The following MIGA1 variants were observed in gnomAD, a reference collection of about 807,000 sequenced individuals.
The protein encoded by MIGA1 is family with sequence similarity 73, member A.
Under a neutral mutation model 82.0 loss-of-function variants are expected in MIGA1, and 58 were observed. The observed-to-expected ratio is 0.71, with a 90% CI of 0.57 to 0.88. The LOEUF (loss-of-function observed/expected upper bound fraction) is 0.88. MIGA1 is among the 40% of genes least tolerant of loss of function. The pLI, the probability that MIGA1 is intolerant of heterozygous loss-of-function variation, is 0.00. For synonymous variants in MIGA1, 249 were observed against 253.6 expected (o/e 0.98, Z 0.17); for missense variants, 751 against 749.1 (o/e 1.00, Z -0.03).
chr1:77,835,568 A>G (rs1333520945), intron 7 of MIGA1, among the ~76,000 whole-genome samples: 2 of 152,212 alleles, frequency 1.3e-5, no homozygotes, highest in Non-Finnish European at 2.9e-5. Context: ...AATGTTCATT[A>G]TCATTCATTA....
intron 2 of MIGA1, among the ~76,000 whole-genome samples, chr1:77,792,600 G>A (rs1376930940): frequency 6.6e-6 from 1 of 152,162 alleles, no homozygotes; most frequent in Non-Finnish European, 1.5e-5. Context: ...TTTCAAAGCT[G>A]AAATACTCAG....
At chr1:77,781,125 T>C (rs1311738024) in intron 1 of MIGA1, among the ~76,000 whole-genome samples, 3 of 152,072 alleles carry the variant, frequency 2.0e-5, no homozygotes, top group Admixed American at 2.0e-4. Context: ...GCCAGGCTGG[T>C]CTTGAACTCT....
intron 8 of MIGA1, among the ~76,000 whole-genome samples, chr1:77,844,111 AAAATAT>A (rs1183690400): frequency 1.6e-3 from 84 of 53,804 alleles, no homozygotes; most frequent in East Asian, 2.2e-3. Flanking sequence ...AAAAAAAAAA[AAAATAT>A]ATATATATAT....
At chr1:77,817,478 A>G (rs753618545) in intron 7 of MIGA1, among the ~76,000 whole-genome samples, 3 of 152,202 alleles carry the variant, frequency 2.0e-5, no homozygotes, top group South Asian at 2.1e-4. Context: ...GTCACTGCCT[A>G]CTAGACTGAT....
intron 2 of MIGA1, among the ~76,000 whole-genome samples, chr1:77,794,225 T>C (rs1682560012): frequency 6.6e-6 from 1 of 152,216 alleles, no homozygotes; most frequent in African/African-American, 2.4e-5. Context: ...AAACTAAGAT[T>C]AACATTGTAA....
intron 7 of MIGA1, among the ~76,000 whole-genome samples, chr1:77,840,115 G>C (rs1387615256): frequency 6.6e-6 from 1 of 152,160 alleles, no homozygotes; most frequent in Non-Finnish European, 1.5e-5. Context: ...TATTGCCCAA[G>C]ATTCTTTCTT....
rs1570961081 is a variant in MIGA1 at position 77,822,220 on chromosome 1, C to G, written c.895+6989C>G. The stretch of plus-strand genomic sequence containing the variant: ...TTAAAAAAACACTTTGTTCAACCAG[C>G]TATGAATTCAGCTTATTCTGTTTTT... On this transcript the variant is annotated intron_variant, in intron 7 of 15. Transcript: ENST00000370791. Among the ~76,000 whole-genome samples, 4 of 152,140 alleles carry G rather than the reference C, an allele frequency of 2.6e-5. No individual in the cohort carries two copies. The South Asian group carries it at 8.3e-4, about 32-fold the overall frequency.
intron 4 of MIGA1, among the ~76,000 whole-genome samples, chr1:77,804,854 C>A (rs535280281): frequency 3.9e-5 from 6 of 152,122 alleles, no homozygotes; most frequent in African/African-American, 1.4e-4. Flanking sequence ...GTCTCGAACT[C>A]CTGACCTGGT....
At chr1:77,811,408 T>C (rs1683322577) in intron 5 of MIGA1, 8 of 1,593,990 alleles carry the variant, frequency 5.0e-6, no homozygotes, top group Non-Finnish European at 6.9e-6. Flanking sequence ...ATTCTCTTCT[T>C]CACCAGGTGC....
Position 77,877,568 on chromosome 1 carries a change from C to T in MIGA1, c.*2504C>T, listed in dbSNP as rs577544653. The stretch of plus-strand genomic sequence containing the variant: ...CTTCACACACACATGTGTGCGTGCA[C>T]GTGCATTTCATTACCATGTAGACAA... On this transcript the variant is annotated 3_prime_UTR_variant, in exon 16 of 16. Coordinates refer to ENST00000370791, the MANE Select transcript of MIGA1 (RefSeq NM_198549.4). The T allele has an allele frequency of 3.3e-5, 5 of 152,634 alleles. No homozygotes were observed. Among genetic ancestry groups the T allele is most frequent in the South Asian group, 4.1e-4 (2 of 4,826 alleles). The allele number at this position is 152,634 out of a possible 1,614,324, so 9.5% of individuals were successfully genotyped here. A position where few individuals can be genotyped will look rare whatever the true frequency, so the allele number is the denominator to read the frequency against.
intron 8 of MIGA1, among the ~76,000 whole-genome samples, chr1:77,855,736 C>G (rs1270280919): frequency 3.3e-5 from 5 of 151,636 alleles, no homozygotes; most frequent in African/African-American, 1.2e-4. Flanking sequence ...GATTTGTGTA[C>G]ATTAATCTAG....
rs980641545 is a variant in MIGA1, at chr1:77,879,513, A to G, written c.*4449A>G. ...AGCACTGTAACATGGATGTATTACT[A>G]TTACTGCCAAATAAAAAAGTGATGG... On this transcript the variant is annotated 3_prime_UTR_variant, in exon 16 of 16. Coordinates refer to ENST00000370791, the MANE Select transcript of MIGA1 (RefSeq NM_198549.4). 1 of 152,188 alleles carries G rather than the reference A, an allele frequency of 6.6e-6. No individual in the cohort carries two copies. Among genetic ancestry groups the G allele is most frequent in the African/African-American group, 2.4e-5 (1 of 41,440 alleles). The allele number at this position is 152,188 out of a possible 1,614,324, so 9.4% of individuals were successfully genotyped here.
chr1:77,818,225 G>A (rs1224300705), intron 7 of MIGA1, among the ~76,000 whole-genome samples: 1 of 151,574 alleles, frequency 6.6e-6, no homozygotes, highest in Non-Finnish European at 1.5e-5. Flanking sequence ...CCAGGTTCAA[G>A]CGATTCTCCT....
At chr1:77,805,802 G>A (rs1472493980) in intron 4 of MIGA1, among the ~76,000 whole-genome samples, 15 of 152,078 alleles carry the variant, frequency 9.9e-5, no homozygotes, top group Admixed American at 3.3e-4. Context: ...GATTACAGGC[G>A]TGAGCCTCTG....
chr1:77,812,047 C>G (rs911983232), intron 5 of MIGA1, among the ~76,000 whole-genome samples: 1 of 152,196 alleles, frequency 6.6e-6, no homozygotes, highest in Non-Finnish European at 1.5e-5. Context: ...GGTGTGGTGG[C>G]TCACACCTGT....
chr1:77,863,999 C>A lies in MIGA1; in HGVS notation c.1480C>A (p.Arg494=), dbSNP rs772336696. ...ATCCATACAGAATGTAGTAAATAATCGATGGCTAAACTCATCCTTCAAAGA... is the reference window on the plus strand; with the variant it reads ...ATCCATACAGAATGTAGTAAATAATAGATGGCTAAACTCATCCTTCAAAGA... Residue 494 remains arginine, a synonymous_variant, in exon 13 of 16, where the codon CGA becomes AGA. Transcript: ENST00000370791. 7 of 1,606,428 alleles carry A rather than the reference C, an allele frequency of 4.4e-6. No individual in the cohort carries two copies. Among genetic ancestry groups the A allele is most frequent in the Admixed American group, 3.5e-5 (2 of 57,450 alleles).
Position 77,783,338 on chromosome 1 carries a change from A to G in MIGA1, c.182A>G (p.Tyr61Cys), listed in dbSNP as rs776832927. The change falls in exon 2 of 16, where the codon TAT (tyrosine) becomes TGT (cysteine). Residue 61 changes from tyrosine (Y) to cysteine (C), a missense_variant. Coordinates refer to ENST00000370791, the MANE Select transcript of MIGA1 (RefSeq NM_198549.4). The stretch of plus-strand genomic sequence containing the variant: ...TTTGATCTTCCTCTGACTTGGTACT[A>G]TTCTCTCTCCCAGGTAAATAAAAGA... 10 of 1,577,370 alleles carry G rather than the reference A, an allele frequency of 6.3e-6. No homozygotes were observed. Among genetic ancestry groups the G allele is most frequent in the African/African-American group, 1.3e-5 (1 of 74,458 alleles).
intron 14 of MIGA1, among the ~76,000 whole-genome samples, chr1:77,871,573 C>T (rs939172110): frequency 2.0e-4 from 31 of 152,112 alleles, no homozygotes; most frequent in Admixed American, 9.8e-4. Flanking sequence ...AAATAACCCC[C>T]GCCCCCCAGG....
In MIGA1 at chr1:77,820,763, C is replaced by T. The variant is rs1240209728; in HGVS notation, c.895+5532C>T. On this transcript the variant is annotated intron_variant, in intron 7 of 15. Coordinates refer to ENST00000370791, the MANE Select transcript of MIGA1 (RefSeq NM_198549.4). ...ATTAAAAAAAATTTCTTCTGTCCTT[C>T]TCAATGGGCCTTTGGGAGGAAAGAG... Among the ~76,000 whole-genome samples, 4 of 152,212 alleles carry T rather than the reference C, an allele frequency of 2.6e-5. No homozygotes were observed. In the South Asian group the frequency reaches 6.2e-4, roughly 24 times the overall value.
Sources: allele counts gnomAD v4.1 joint callset (sites outside exome capture counted in the v4.1 genomes callset), GRCh38; gene constraint gnomAD v4.1.1; transcripts MANE v1.5; gene names NCBI Gene and HGNC (gene_info 2026-07-23, HGNC 2026-07-21).